NAALADL2: variants seen among roughly 807,000 people sequenced by gnomAD.
The protein encoded by NAALADL2 is inactive N-acetylated-alpha-linked acidic dipeptidase-like protein 2.
NAALADL2 carries 76 observed loss-of-function variants against 87.2 expected under a neutral mutation model. The observed-to-expected ratio is 0.87, with a 90% CI of 0.72 to 1.05. The LOEUF is 1.05. Ranked by LOEUF, NAALADL2 falls within the 50% of genes least tolerant of loss-of-function variation. The pLI is 0.00. For missense variants in NAALADL2, 1,089 were observed against 945.8 expected, an observed-to-expected ratio of 1.15 and a Z score of -1.99; for synonymous variants, 354 against 331.0, an observed-to-expected ratio of 1.07 and a Z score of -0.75.
At chr3:174,929,479 G>C (rs938694337) in intron 1 of NAALADL2, among the ~76,000 whole-genome samples, 1 of 152,092 alleles carries the variant, frequency 6.6e-6, no homozygotes, top group Non-Finnish European at 1.5e-5. Flanking sequence ...TGAAAGAATT[G>C]TATGGCCTTA....
intron 3 of NAALADL2, among the ~76,000 whole-genome samples, chr3:174,834,971 A>G (rs565565256): frequency 6.6e-6 from 1 of 152,038 alleles, no homozygotes; most frequent in Non-Finnish European, 1.5e-5. Flanking sequence ...AATTTCTAGG[A>G]TAGTCCAAAA....
At chr3:175,698,966 G>A (rs1305326225) in intron 11 of NAALADL2, among the ~76,000 whole-genome samples, 3 of 151,892 alleles carry the variant, frequency 2.0e-5, no homozygotes, top group Admixed American at 6.6e-5. Context: ...AACACAGTAA[G>A]CTCAAACTTT....
At chr3:174,882,905 A>G (rs1247077441) in intron 1 of NAALADL2, among the ~76,000 whole-genome samples, 2 of 150,346 alleles carry the variant, frequency 1.3e-5, no homozygotes, top group East Asian at 2.0e-4. Context: ...ATATATGTGT[A>G]TATATATGTT....
chr3:175,796,156 A>G (rs1220392267), intron 13 of NAALADL2, among the ~76,000 whole-genome samples: 4 of 151,204 alleles, frequency 2.6e-5, no homozygotes, highest in Non-Finnish European at 5.9e-5. Flanking sequence ...GCAGCATGGT[A>G]GCTTGCCAAA....
rs377551961 is a variant in NAALADL2 at position 175,338,001 on chromosome 3, C to A, written c.1090+13676C>A. Reference sequence around the variant, plus strand: ...CCCTGCCTAATAATTCAGTTCTGTTCTTCTCCTTCACAGAACAAACTGAAC... The same window carrying A: ...CCCTGCCTAATAATTCAGTTCTGTTATTCTCCTTCACAGAACAAACTGAAC... On this transcript the variant is annotated intron_variant, in intron 5 of 13. Coordinates refer to ENST00000454872, the MANE Select transcript of NAALADL2 (RefSeq NM_207015.3). 1.7e-4 allele frequency among the ~76,000 whole-genome samples: 26 copies of A among 152,024 alleles called. 1 individual carries two copies. Among genetic ancestry groups the A allele is most frequent in the African/African-American group, 6.3e-4 (26 of 41,518 alleles).
chr3:175,632,851 A>G (rs916886982), intron 11 of NAALADL2, among the ~76,000 whole-genome samples: 1 of 152,132 alleles, frequency 6.6e-6, no homozygotes, highest in Non-Finnish European at 1.5e-5. Context: ...ACTGTCACGT[A>G]TAGTAATCAC....
chr3:174,955,124 G>A (rs1435451061), intron 1 of NAALADL2, among the ~76,000 whole-genome samples: 2 of 151,990 alleles, frequency 1.3e-5, no homozygotes, highest in African/African-American at 4.8e-5. Context: ...AATGAAAATG[G>A]TACAATGAAA....
At chr3:175,784,434 G>T (rs1447524092) in intron 13 of NAALADL2, among the ~76,000 whole-genome samples, 4 of 145,126 alleles carry the variant, frequency 2.8e-5, no homozygotes, top group Non-Finnish European at 4.5e-5. Flanking sequence ...AGTCTTGGGA[G>T]AGTGTATGTG....
chr3:174,465,283 A>G (rs1716468162), intron 1 of NAALADL2, among the ~76,000 whole-genome samples: 9 of 152,146 alleles, frequency 5.9e-5, no homozygotes. Context: ...TTTTATCTGT[A>G]TATATCAGCA....
intron 9 of NAALADL2, among the ~76,000 whole-genome samples, chr3:175,574,010 T>A (rs1315274222): frequency 6.6e-6 from 1 of 152,240 alleles, no homozygotes; most frequent in African/African-American, 2.4e-5. Context: ...GCTTTCCATT[T>A]TAATTGATGT....
chr3:175,439,731 C>CTTTTTTTTTT (rs535237866), intron 5 of NAALADL2, among the ~76,000 whole-genome samples: 1 of 113,778 alleles, frequency 8.8e-6, no homozygotes, highest in Non-Finnish European at 1.8e-5. Context: ...GTTTTTTTTT[C>CTTTTTTTTTT]TTTTTTTTCT....
chr3:175,056,076 G>T (rs987213171), intron 1 of NAALADL2, among the ~76,000 whole-genome samples: 1 of 152,080 alleles, frequency 6.6e-6, no homozygotes, highest in Non-Finnish European at 1.5e-5. Context: ...GGTCGCCAAA[G>T]GTGCTGCTCG....
intron 13 of NAALADL2, among the ~76,000 whole-genome samples, chr3:175,796,524 T>C (rs1753517456): frequency 6.6e-6 from 1 of 152,214 alleles, no homozygotes; most frequent in Non-Finnish European, 1.5e-5. Flanking sequence ...GTATAAATAG[T>C]GTAGCCATGC....
chr3:175,698,905 G>A (rs1459764334), intron 11 of NAALADL2, among the ~76,000 whole-genome samples: 1 of 151,726 alleles, frequency 6.6e-6, no homozygotes, highest in Non-Finnish European at 1.5e-5. Context: ...ATGCTAAGAA[G>A]AGTGCTAAGC....
chr3:174,816,053 A>G (rs1413909835), intron 3 of NAALADL2, among the ~76,000 whole-genome samples: 2 of 151,954 alleles, frequency 1.3e-5, no homozygotes, highest in African/African-American at 4.8e-5. Context: ...ATTACATAAA[A>G]CAACAACATT....
chr3:175,379,505 A>C (rs1357062321), intron 5 of NAALADL2, among the ~76,000 whole-genome samples: 1 of 150,424 alleles, frequency 6.6e-6, no homozygotes, highest in Non-Finnish European at 1.5e-5. Flanking sequence ...TTCTGGTAAC[A>C]GTTGTCCACA....
At position 175,576,284 on chromosome 3, in the gene NAALADL2, G is replaced by T. The variant is rs751068176; in HGVS notation, c.1800+97G>T. 6.8e-4 allele frequency: 766 copies of T among 1,122,146 alleles called. 1 individual carries two copies. Among genetic ancestry groups the T allele is most frequent in the Non-Finnish European group, 9.3e-4 (733 of 785,612 alleles). 69.5% of individuals were successfully genotyped at this position (1,122,146 alleles called of 1,614,324 possible). A position where few individuals can be genotyped will look rare whatever the true frequency, so the allele number is the denominator to read the frequency against. On this transcript the variant is annotated intron_variant, in intron 10 of 13. Transcript: ENST00000454872. ...GCTATTCAATTTTCATATCAAATAG[G>T]TCACTATAGAAAAGCGGCTTCATTT...
At chr3:174,604,638 G>GTGTA (rs1248149608) in intron 2 of NAALADL2, among the ~76,000 whole-genome samples, 1 of 152,046 alleles carries the variant, frequency 6.6e-6, no homozygotes, top group Non-Finnish European at 1.5e-5. Context: ...GTGTGTGTGT[G>GTGTA]TGTATGTGGT....
At chr3:175,224,219 A>C (rs371941126) in intron 2 of NAALADL2, among the ~76,000 whole-genome samples, 6 of 152,072 alleles carry the variant, frequency 3.9e-5, no homozygotes, top group Admixed American at 3.9e-4. Flanking sequence ...TGCCCGGAGG[A>C]TATTGATTAG....
Sources: allele counts gnomAD v4.1 joint callset (sites outside exome capture counted in the v4.1 genomes callset), GRCh38; gene constraint gnomAD v4.1.1; transcripts MANE v1.5; gene names NCBI Gene and HGNC (gene_info 2026-07-23, HGNC 2026-07-21).